FBXL13: variants seen among roughly 807,000 people sequenced by gnomAD.
The protein encoded by FBXL13 is F-box and leucine rich repeat protein 13.
A neutral mutation model predicts 83.6 loss-of-function variants in FBXL13; 67 were observed. That is an observed-to-expected ratio of 0.80 (90% CI 0.66 to 0.98). The LOEUF (loss-of-function observed/expected upper bound fraction) is 0.98. FBXL13 is among the 50% of genes least tolerant of loss of function. The pLI is 0.00. For synonymous variants in FBXL13, 272 were observed against 299.5 expected (o/e 0.91, Z 0.95); for missense variants, 822 against 866.5 (o/e 0.95, Z 0.64).
intron 11 of FBXL13, among the ~76,000 whole-genome samples, chr7:102,895,594 C>T (rs915789566): frequency 6.6e-6 from 1 of 152,194 alleles, no homozygotes; most frequent in Non-Finnish European, 1.5e-5. Flanking sequence ...CCATGCCTGG[C>T]TTCCTGCAGA....
intron 8 of FBXL13, among the ~76,000 whole-genome samples, chr7:102,954,070 G>A (rs894128522): frequency 3.9e-5 from 6 of 152,066 alleles, no homozygotes; most frequent in Non-Finnish European, 5.9e-5. Context: ...TCATCTCACT[G>A]GGACTGGTTG....
At chr7:102,813,807 T>C (rs1797626563) in intron 19 of FBXL13, among the ~76,000 whole-genome samples, 1 of 152,198 alleles carries the variant, frequency 6.6e-6, no homozygotes. Context: ...CACTGAGGCC[T>C]CTATTTATTT....
intron 17 of FBXL13, among the ~76,000 whole-genome samples, chr7:102,845,869 C>G (rs556045354): frequency 6.6e-6 from 1 of 152,292 alleles, no homozygotes; most frequent in African/African-American, 2.4e-5. Flanking sequence ...TTAGGTACCT[C>G]GCCTGAATCC....
Position 102,875,277 on chromosome 7 carries a change from C to T in FBXL13, c.1635+2190G>A, listed in dbSNP as rs533796367. Among the ~76,000 whole-genome samples the T allele has an allele frequency of 1.3e-3, 202 of 151,856 alleles. 3 individuals are homozygous for T. Among genetic ancestry groups the T allele is most frequent in the African/African-American group, 4.6e-3 (192 of 41,398 alleles). ...TCAGTTGGAACATTTTTTCCACCCC[C>T]AGATTAGGAAAAGAATCTATGTCAA... On this transcript the variant is annotated intron_variant, in intron 16 of 19. Coordinates refer to ENST00000313221, the Ensembl canonical transcript of FBXL13.
intron 18 of FBXL13, among the ~76,000 whole-genome samples, chr7:102,825,578 A>G (rs1021117377): frequency 6.6e-6 from 1 of 152,238 alleles, no homozygotes; most frequent in South Asian, 2.1e-4. Context: ...GGACTAAGAC[A>G]GGGTATGACC....
intron 16 of FBXL13, among the ~76,000 whole-genome samples, chr7:102,856,324 C>T (rs1806046617): frequency 6.6e-6 from 1 of 152,140 alleles, no homozygotes; most frequent in Admixed American, 6.5e-5. Context: ...CAATAGAATC[C>T]AAATTGTTTG....
chr7:103,073,090 A>T (rs1032130451), intron 1 of FBXL13, among the ~76,000 whole-genome samples: 2 of 152,248 alleles, frequency 1.3e-5, no homozygotes, highest in East Asian at 3.8e-4. Context: ...AAAACAATAC[A>T]GCTATGGACA....
chr7:102,890,231 A>G (rs1811363280), intron 11 of FBXL13, among the ~76,000 whole-genome samples: 1 of 152,248 alleles, frequency 6.6e-6, no homozygotes, highest in South Asian at 2.1e-4. Flanking sequence ...TCTAAAGGAA[A>G]AAGCAAAATA....
At chr7:102,847,519 T>C (rs1310098203) in intron 17 of FBXL13, among the ~76,000 whole-genome samples, 1 of 152,064 alleles carries the variant, frequency 6.6e-6, no homozygotes, top group Non-Finnish European at 1.5e-5. Flanking sequence ...AACACTCAAT[T>C]TTTTTTTCTT....
chr7:102,892,478 T>G (rs976395274), intron 11 of FBXL13, among the ~76,000 whole-genome samples: 11 of 152,216 alleles, frequency 7.2e-5, no homozygotes, highest in African/African-American at 2.7e-4. Flanking sequence ...TACAATTTTT[T>G]TTCAACACAG....
intron 1 of FBXL13, among the ~76,000 whole-genome samples, chr7:103,070,426 A>G (rs1374718310): frequency 1.3e-5 from 2 of 152,034 alleles, no homozygotes; most frequent in African/African-American, 4.8e-5. Flanking sequence ...ACAGGGTTTC[A>G]GCTGGTCTCG....
intron 5 of FBXL13, among the ~76,000 whole-genome samples, chr7:103,026,894 C>T (rs1030913326): frequency 9.9e-5 from 15 of 152,006 alleles, no homozygotes; most frequent in Admixed American, 3.3e-4. Flanking sequence ...AAAAAAAATC[C>T]AGCATGTTTC....
At chr7:102,954,299 A>G (rs1823902353) in intron 8 of FBXL13, among the ~76,000 whole-genome samples, 1 of 152,256 alleles carries the variant, frequency 6.6e-6, no homozygotes, top group Non-Finnish European at 1.5e-5. Context: ...ACTAAGCTTC[A>G]TAAGTGAAGG....
exon 17 of FBXL13, chr7:102,854,793 G>A: frequency 6.3e-7 from 1 of 1,580,946 alleles, no homozygotes; most frequent in Non-Finnish European, 8.6e-7. Flanking sequence ...TCCATCATCA[G>A]TGATTCTATA....
intron 6 of FBXL13, among the ~76,000 whole-genome samples, chr7:102,969,262 T>A (rs1020061975): frequency 6.6e-6 from 1 of 152,236 alleles, no homozygotes; most frequent in African/African-American, 2.4e-5. Flanking sequence ...CTTATCATTG[T>A]GCTACAATTA....
At chr7:102,974,094 A>G (rs1479461336) in intron 6 of FBXL13, among the ~76,000 whole-genome samples, 1 of 152,132 alleles carries the variant, frequency 6.6e-6, no homozygotes, top group Non-Finnish European at 1.5e-5. Flanking sequence ...TGCCTCATAA[A>G]AAACCTGTAA....
chr7:102,986,819 T>C (rs1159447478), intron 6 of FBXL13, among the ~76,000 whole-genome samples: 1 of 152,028 alleles, frequency 6.6e-6, no homozygotes, highest in Non-Finnish European at 1.5e-5. Context: ...GTTGTAACTA[T>C]TTAGCTTCAT....
At chr7:102,884,244 G>A in exon 12 of FBXL13, 1 of 1,613,704 alleles carries the variant, frequency 6.2e-7, no homozygotes. Flanking sequence ...GAGTTGGCAT[G>A]TCATTAATGG....
chr7:102,971,809 T>C (rs1826708989), intron 6 of FBXL13, among the ~76,000 whole-genome samples: 1 of 151,998 alleles, frequency 6.6e-6, no homozygotes, highest in African/African-American at 2.4e-5. Context: ...GCGGATCACC[T>C]GAGGTCAGAA....
Sources: gnomAD v4.1 joint callset for allele counts (sites outside exome capture counted in the v4.1 genomes callset) on GRCh38, gnomAD v4.1.1 for gene constraint, MANE v1.5 for transcripts, NCBI Gene and HGNC (gene_info 2026-07-23, HGNC 2026-07-21) for gene names.